The following ITGA8 variants were observed in gnomAD, a reference collection of about 807,000 sequenced individuals.
ITGA8 encodes integrin alpha-8.
A neutral mutation model predicts 142.3 loss-of-function variants in ITGA8; 91 were observed. The observed-to-expected ratio is 0.64, with a 90% CI of 0.54 to 0.76. The LOEUF is 0.76. Among genes scored for constraint, ITGA8 ranks in the 30% least tolerant of loss-of-function variants. The pLI is 0.00. For synonymous variants in ITGA8, 505 were observed against 485.2 expected, an observed-to-expected ratio of 1.04 and a Z score of -0.54; for missense variants, 1,406 against 1,327.7, an observed-to-expected ratio of 1.06 and a Z score of -0.92.
chr10:15,632,400 G>C (rs530373451), intron 13 of ITGA8, among the ~76,000 whole-genome samples: 53 of 152,318 alleles, frequency 3.5e-4, no homozygotes, highest in African/African-American at 1.3e-3. Context: ...AAAAAAGTCA[G>C]ATATTATGTT....
At chr10:15,694,596 A>G (rs574920273) in intron 2 of ITGA8, among the ~76,000 whole-genome samples, 19 of 138,724 alleles carry the variant, frequency 1.4e-4, no homozygotes, top group Non-Finnish European at 2.9e-4. Context: ...TATAAAATGG[A>G]TATATAATAT....
intron 20 of ITGA8, among the ~76,000 whole-genome samples, chr10:15,599,315 C>T (rs1346576315): frequency 1.3e-5 from 2 of 151,918 alleles, no homozygotes; most frequent in Admixed American, 1.3e-4. Flanking sequence ...CATTCTTGTT[C>T]TAATCCATTT....
chr10:15,690,399 G>A (rs961787140), intron 2 of ITGA8, among the ~76,000 whole-genome samples: 5 of 152,162 alleles, frequency 3.3e-5, no homozygotes, highest in Non-Finnish European at 7.4e-5. Flanking sequence ...CTCACACCCA[G>A]GATCACTGTC....
At chr10:15,687,297 G>GA (rs9333082) in intron 3 of ITGA8, among the ~76,000 whole-genome samples, 2,319 of 151,828 alleles carry the variant, frequency 0.015, 61 homozygotes, top group African/African-American at 0.053. Flanking sequence ...CCAATAGGTT[G>GA]AAAAAATCCC....
chr10:15,711,325 T>TGG (rs1317273951), intron 2 of ITGA8, among the ~76,000 whole-genome samples: 2 of 152,162 alleles, frequency 1.3e-5, no homozygotes, highest in Non-Finnish European at 2.9e-5. Flanking sequence ...TCAGGGATCT[T>TGG]TGTCTTTACA....
rs3222369 is a variant in ITGA8, at chr10:15,635,956, C to CACAG, written c.1399+8073_1399+8074insCTGT. Among the ~76,000 whole-genome samples, 8 of 150,070 alleles carry CACAG rather than the reference C, an allele frequency of 5.3e-5. No individual in the cohort carries two copies. The East Asian group carries it at 1.4e-3, about 26-fold the overall frequency. On this transcript the variant is annotated intron_variant, in intron 13 of 29. Coordinates refer to ENST00000378076, the MANE Select transcript of ITGA8 (RefSeq NM_003638.3). ...ACACACACACACACACACACACACACAGAGCACTCATTGAAAAGATAATGG... is the reference window on the plus strand; with the variant it reads ...ACACACACACACACACACACACACACACAGAGAGCACTCATTGAAAAGATAATGG...
intron 15 of ITGA8, among the ~76,000 whole-genome samples, chr10:15,612,879 G>A (rs147014049): frequency 1.3e-3 from 191 of 152,312 alleles, no homozygotes; most frequent in African/African-American, 4.1e-3. Flanking sequence ...ATGGGACATC[G>A]GCTGGGCATG....
rs1354529610 is a variant in ITGA8 at position 15,606,345 on chromosome 10, T to C, written c.1842A>G (p.Lys614=). 1.9e-6 allele frequency: 3 copies of C among 1,612,298 alleles called. No homozygotes were observed. Among genetic ancestry groups the C allele is most frequent in the African/African-American group, 2.7e-5 (2 of 74,904 alleles). The change falls in exon 18 of 30, where the codon AAA becomes AAG. Residue 614 remains lysine, a synonymous_variant. Coordinates refer to ENST00000378076, the MANE Select transcript of ITGA8 (RefSeq NM_003638.3). ...LNYSLDESTF[K]EGLEVKPILN... ...ATATTGGTTTCACTTCCAGGCCTTCTTTAAAGGTGGATTCGTCCAAACTGT... is the reference window on the plus strand; with the variant it reads ...ATATTGGTTTCACTTCCAGGCCTTCCTTAAAGGTGGATTCGTCCAAACTGT...
intron 27 of ITGA8, among the ~76,000 whole-genome samples, chr10:15,542,270 C>T (rs1181772042): frequency 6.6e-6 from 1 of 152,182 alleles, no homozygotes; most frequent in South Asian, 2.1e-4. Context: ...CTGCATAGAA[C>T]TTTCTTCAAT....
chr10:15,632,729 T>C (rs1833705649), intron 13 of ITGA8, among the ~76,000 whole-genome samples: 1 of 149,320 alleles, frequency 6.7e-6, no homozygotes, highest in African/African-American at 2.5e-5. Flanking sequence ...AAATCTGGGC[T>C]TTTTTTTTTC....
At chr10:15,654,442 A>G (rs956034261) in intron 11 of ITGA8, among the ~76,000 whole-genome samples, 1 of 152,222 alleles carries the variant, frequency 6.6e-6, no homozygotes, top group Non-Finnish European at 1.5e-5. Context: ...ATGAAAGAAT[A>G]ATAGAAAGAT....
chr10:15,531,026 C>CTA, intron 28 of ITGA8, 24 bp downstream of exon 28: 1 of 1,082,812 alleles, frequency 9.2e-7, no homozygotes, highest in Non-Finnish European at 1.4e-6. Context: ...TTATTTGTGC[C>CTA]TATATATATT....
intron 7 of ITGA8, among the ~76,000 whole-genome samples, chr10:15,671,889 A>G (rs1588713580): frequency 2.0e-5 from 3 of 151,986 alleles, no homozygotes; most frequent in African/African-American, 7.2e-5. Flanking sequence ...CAAAAAAAAA[A>G]AAAAAAAAAA....
At chr10:15,568,037 T>C (rs534009691) in intron 25 of ITGA8, among the ~76,000 whole-genome samples, 1 of 152,180 alleles carries the variant, frequency 6.6e-6, no homozygotes. Flanking sequence ...CTCAGTCTCC[T>C]GAGCAGCTGG....
intron 19 of ITGA8, 24 bp downstream of exon 19, chr10:15,605,700 A>G: frequency 1.9e-6 from 3 of 1,579,200 alleles, no homozygotes; most frequent in South Asian, 1.1e-5. Context: ...GATAGAAAGT[A>G]CACATTTAGT....
intron 27 of ITGA8, among the ~76,000 whole-genome samples, chr10:15,548,214 C>T (rs1458126074): frequency 2.4e-4 from 37 of 151,982 alleles, no homozygotes; most frequent in Admixed American, 2.2e-3. Context: ...GCCTCAGTCT[C>T]CCAAGTAGCT....
intron 25 of ITGA8, among the ~76,000 whole-genome samples, chr10:15,560,010 A>G (rs1056957223): frequency 1.2e-4 from 18 of 152,136 alleles, no homozygotes; most frequent in Non-Finnish European, 2.1e-4. Flanking sequence ...ATTATGAGCC[A>G]GGCTTATGCC....
intron 1 of ITGA8, 138 bp downstream of exon 1, chr10:15,719,425 C>T (rs1449578743): frequency 2.9e-6 from 2 of 681,004 alleles, no homozygotes; most frequent in Non-Finnish European, 4.6e-6. Flanking sequence ...GGGCTGGTGG[C>T]GGGGAGAGGG....
intron 2 of ITGA8, among the ~76,000 whole-genome samples, chr10:15,703,261 C>T (rs1010905871): frequency 6.6e-6 from 1 of 152,128 alleles, no homozygotes; most frequent in Non-Finnish European, 1.5e-5. Flanking sequence ...TAATTATTTT[C>T]ATGTCTAGAC....
Sources: allele counts gnomAD v4.1 joint callset (sites outside exome capture counted in the v4.1 genomes callset), GRCh38; gene constraint gnomAD v4.1.1; transcripts MANE v1.5; gene names NCBI Gene and HGNC (gene_info 2026-07-23, HGNC 2026-07-21).